The following ADRA1B variants were observed in gnomAD, a reference collection of about 807,000 sequenced individuals.
ADRA1B encodes alpha-1B adrenergic receptor.
ADRA1B carries 17 observed loss-of-function variants against 17.9 expected under a neutral mutation model. The ratio of observed to expected loss-of-function variants is 0.95; its 90% confidence interval spans 0.65 to 1.42. The LOEUF is 1.42. ADRA1B is among the 40% of genes most tolerant of loss of function. The probability of loss-of-function intolerance (pLI) is 0.00; values close to 1 mark genes in which losing one functional copy is unlikely to be tolerated. For synonymous variants in ADRA1B, 366 were observed against 327.6 expected (o/e 1.12, Z -1.27); for missense variants, 681 against 722.1 (o/e 0.94, Z 0.65).
intron 1 of ADRA1B, chr5:159,948,406 G>A (rs775927101): frequency 2.0e-6 from 2 of 985,274 alleles, no homozygotes; most frequent in African/African-American, 3.5e-5. Context: ...TCACAAAAAT[G>A]ATGATTCAAA....
chr5:159,869,898 A>G (rs1322507335), intron 1 of ADRA1B: 2 of 152,232 alleles, frequency 1.3e-5, no homozygotes, highest in African/African-American at 4.8e-5. Context: ...ATTAGACATT[A>G]GTAGCAGTAA....
chr5:159,870,799 A>C (rs930029826), intron 1 of ADRA1B: 1 of 152,268 alleles, frequency 6.6e-6, no homozygotes, highest in South Asian at 2.1e-4. Flanking sequence ...GAGGATAGTC[A>C]AAAGTTCCCT....
chr5:159,979,305 G>A, the ADRA1B span, among the ~76,000 whole-genome samples: 3 of 152,166 alleles, frequency 2.0e-5, no homozygotes, highest in Non-Finnish European at 4.4e-5. Flanking sequence ...GTCTTCTTGG[G>A]CATGTCTCCT....
At chr5:159,944,860 C>A (rs909358982) in intron 1 of ADRA1B, among the ~76,000 whole-genome samples, 3 of 151,966 alleles carry the variant, frequency 2.0e-5, no homozygotes, top group African/African-American at 7.3e-5. Flanking sequence ...ACTGCAGATA[C>A]AAGAGTGAAA....
At chr5:159,918,505 T>C (rs371364842) in intron 1 of ADRA1B, among the ~76,000 whole-genome samples, 7 of 152,362 alleles carry the variant, frequency 4.6e-5, no homozygotes, top group African/African-American at 1.7e-4. Flanking sequence ...AAAGAGAAGA[T>C]GACTAGAGGG....
Position 159,916,719 on chromosome 5 carries a change from G to A in ADRA1B, c.-187G>A, listed in dbSNP as rs1382667842. Reference sequence around the variant, plus strand: ...CTCCTCCTCCCTCTGACAGGCGAGCGAGCGACTCGGTGCAGGCAGGAGACG... The same window carrying A: ...CTCCTCCTCCCTCTGACAGGCGAGCAAGCGACTCGGTGCAGGCAGGAGACG... On this transcript the variant is annotated 5_prime_UTR_variant, in exon 1 of 2. Coordinates refer to ENST00000306675, the MANE Select transcript of ADRA1B (RefSeq NM_000679.4). 2 of 577,940 alleles carry A rather than the reference G, an allele frequency of 3.5e-6. No homozygotes were observed. Among genetic ancestry groups the A allele is most frequent in the South Asian group, 2.5e-5 (1 of 40,432 alleles). 35.8% of individuals were successfully genotyped at this position (577,940 alleles called of 1,614,324 possible). A position where few individuals can be genotyped will look rare whatever the true frequency, so the allele number is the denominator to read the frequency against.
intron 1 of ADRA1B, among the ~76,000 whole-genome samples, chr5:159,891,164 G>T (rs1753979933): frequency 6.6e-6 from 1 of 152,052 alleles, no homozygotes; most frequent in Non-Finnish European, 1.5e-5. Context: ...CAACTCAAAA[G>T]GGCTCCCTGC....
intron 1 of ADRA1B, among the ~76,000 whole-genome samples, chr5:159,886,483 G>C (rs17057240): frequency 0.017 from 2,574 of 152,238 alleles, 65 homozygotes; most frequent in African/African-American, 0.059. Flanking sequence ...GGTCTCCCAT[G>C]CTAATTGATT....
chr5:159,949,164 A>G (rs1755356069), intron 1 of ADRA1B, among the ~76,000 whole-genome samples: 1 of 152,228 alleles, frequency 6.6e-6, no homozygotes, highest in African/African-American at 2.4e-5. Flanking sequence ...TACCCTCCAG[A>G]AAGCATATTC....
chr5:159,887,231 A>C (rs1332164303), intron 1 of ADRA1B, among the ~76,000 whole-genome samples: 2 of 152,214 alleles, frequency 1.3e-5, no homozygotes, highest in African/African-American at 4.8e-5. Flanking sequence ...GTTGGCTACA[A>C]AGATGATTTC....
chr5:159,889,117 C>T (rs1248168569), intron 1 of ADRA1B, among the ~76,000 whole-genome samples: 3 of 152,142 alleles, frequency 2.0e-5, no homozygotes, highest in Non-Finnish European at 4.4e-5. Context: ...AACTTCCAAC[C>T]TCCTACCAGT....
At chr5:159,923,144 A>C (rs1301404030) in intron 1 of ADRA1B, among the ~76,000 whole-genome samples, 1 of 152,282 alleles carries the variant, frequency 6.6e-6, no homozygotes, top group Non-Finnish European at 1.5e-5. Flanking sequence ...GAGAATTAGA[A>C]GGGAGGCAGG....
intron 1 of ADRA1B, chr5:159,870,770 C>G (rs2113068758): frequency 6.6e-6 from 1 of 151,986 alleles, no homozygotes; most frequent in East Asian, 1.9e-4. Context: ...ATGCATAAAG[C>G]CAAAAAAAGT....
chr5:159,916,389 G>C (rs1383404857), upstream of ADRA1B: 1 of 151,522 alleles, frequency 6.6e-6, no homozygotes, highest in Non-Finnish European at 1.5e-5. Flanking sequence ...TGGCGGCGTC[G>C]GGGCTGCGGG....
intron 1 of ADRA1B, among the ~76,000 whole-genome samples, chr5:159,939,257 G>GAGAA (rs1405916419): frequency 1.6e-5 from 1 of 62,480 alleles, no homozygotes; most frequent in Admixed American, 1.9e-4. Flanking sequence ...TTGAAGGAGA[G>GAGAA]AGAGAGAGAG....
At chr5:159,870,509 A>C (rs1240792928) in intron 1 of ADRA1B, 1 of 152,192 alleles carries the variant, frequency 6.6e-6, no homozygotes, top group Non-Finnish European at 1.5e-5. Context: ...AGATTCAAAG[A>C]TATGTAGCCC....
intron 1 of ADRA1B, among the ~76,000 whole-genome samples, chr5:159,871,592 C>T (rs541693936): frequency 6.6e-6 from 1 of 152,210 alleles, no homozygotes; most frequent in Non-Finnish European, 1.5e-5. Flanking sequence ...AAGGACAACA[C>T]TCCTTGAGCT....
At chr5:159,873,432 C>CCT (rs1352602534) in intron 1 of ADRA1B, among the ~76,000 whole-genome samples, 1 of 152,184 alleles carries the variant, frequency 6.6e-6, no homozygotes, top group Non-Finnish European at 1.5e-5. Flanking sequence ...CTGCAGAGAG[C>CCT]CACCTTGCCC....
chr5:159,908,188 C>G (rs1162371056), intron 1 of ADRA1B, among the ~76,000 whole-genome samples: 1 of 152,140 alleles, frequency 6.6e-6, no homozygotes, highest in Admixed American at 6.5e-5. Context: ...TGCACACAGC[C>G]CAGCACAACT....
Sources: gnomAD v4.1 joint callset for allele counts (sites outside exome capture counted in the v4.1 genomes callset) on GRCh38, gnomAD v4.1.1 for gene constraint, MANE v1.5 for transcripts, NCBI Gene and HGNC (gene_info 2026-07-23, HGNC 2026-07-21) for gene names.